DNAJC5B: variants seen among roughly 807,000 people sequenced by gnomAD.
DNAJC5B encodes dnaJ homolog subfamily C member 5B.
In DNAJC5B, 23 loss-of-function variants were observed where a neutral mutation model predicts 24.7. The ratio of observed to expected loss-of-function variants is 0.93; its 90% CI spans 0.67 to 1.32. The LOEUF is 1.32. Among genes scored for constraint, DNAJC5B ranks in the 40% most tolerant of loss-of-function variants. DNAJC5B has a pLI of 0.00. For missense variants in DNAJC5B, 238 were observed against 240.8 expected (o/e 0.99, Z 0.08); for synonymous variants, 101 against 90.1 (o/e 1.12, Z -0.68).
intron 3 of DNAJC5B, among the ~76,000 whole-genome samples, chr8:66,061,227 G>T (rs940038047): frequency 5.9e-5 from 9 of 152,144 alleles, no homozygotes; most frequent in Non-Finnish European, 1.0e-4. Context: ...GCTGTAGTAT[G>T]CTATGACTGA....
intron 3 of DNAJC5B, among the ~76,000 whole-genome samples, chr8:66,056,156 C>G (rs1201668310): frequency 6.6e-6 from 1 of 152,076 alleles, no homozygotes; most frequent in Non-Finnish European, 1.5e-5. Flanking sequence ...CCCCTCCACC[C>G]CAACCCAACA....
rs532872189 is a variant in DNAJC5B, at chr8:66,095,318, C to G, written c.506-4619C>G. ...TTACAAAAAGAAAAAATGGTTTCTT[C>G]AAGATTTCCTCTTATCCTTCATACA... On this transcript the variant is annotated intron_variant, in intron 5 of 5. Transcript: ENST00000276570. Among the ~76,000 whole-genome samples the G allele has an allele frequency of 1.1e-4, 17 of 152,064 alleles. No homozygotes were observed. In the South Asian group the frequency reaches 1.9e-3, roughly 17 times the overall value.
intron 2 of DNAJC5B, among the ~76,000 whole-genome samples, chr8:66,048,148 T>C (rs1423552465): frequency 6.6e-6 from 1 of 152,190 alleles, no homozygotes; most frequent in African/African-American, 2.4e-5. Context: ...ACCCAGCTGC[T>C]CACCCTCACT....
chr8:66,019,554 C>T (rs563465920), upstream of DNAJC5B, among the ~76,000 whole-genome samples: 12 of 152,198 alleles, frequency 7.9e-5, no homozygotes, highest in South Asian at 2.5e-3. Flanking sequence ...TGTCATCTGA[C>T]ATTTAAGGCA....
At chr8:66,075,611 G>T (rs957271385) in intron 3 of DNAJC5B, among the ~76,000 whole-genome samples, 2 of 151,988 alleles carry the variant, frequency 1.3e-5, no homozygotes, top group Non-Finnish European at 1.5e-5. Context: ...ATAAGTTTTG[G>T]TTAAATAAAT....
At chr8:66,084,621 C>T (rs1347753852) in intron 5 of DNAJC5B, among the ~76,000 whole-genome samples, 2 of 152,160 alleles carry the variant, frequency 1.3e-5, no homozygotes, top group East Asian at 3.9e-4. Flanking sequence ...GTAAGAGATG[C>T]CCATAAAAAT....
At chr8:66,017,119 C>T (rs1292595858), upstream of DNAJC5B, among the ~76,000 whole-genome samples, 4 of 152,042 alleles carry the variant, frequency 2.6e-5, no homozygotes, top group Admixed American at 2.6e-4. Context: ...AGGATCTAAA[C>T]CAATACATGC....
intron 3 of DNAJC5B, among the ~76,000 whole-genome samples, chr8:66,075,108 C>G (rs1439774813): frequency 6.6e-6 from 1 of 152,042 alleles, no homozygotes; most frequent in Non-Finnish European, 1.5e-5. Context: ...TCGCTGTCGC[C>G]CAGGCTGGAG....
intron 2 of DNAJC5B, among the ~76,000 whole-genome samples, chr8:66,049,715 A>G (rs1806805072): frequency 6.6e-6 from 1 of 152,216 alleles, no homozygotes; most frequent in African/African-American, 2.4e-5. Context: ...TCCGTGTAGT[A>G]GATTATCTTC....
intron 5 of DNAJC5B, among the ~76,000 whole-genome samples, chr8:66,093,586 C>T (rs1807891306): frequency 6.6e-6 from 1 of 152,088 alleles, no homozygotes; most frequent in South Asian, 2.1e-4. Context: ...ATATCATCTG[C>T]CTTTTCCTTA....
intron 5 of DNAJC5B, among the ~76,000 whole-genome samples, chr8:66,091,131 A>G (rs1057358022): frequency 3.3e-5 from 5 of 152,328 alleles, no homozygotes; most frequent in African/African-American, 1.2e-4. Flanking sequence ...CTGAGCACTT[A>G]GTATTTGCCT....
chr8:66,077,177 T>A (rs1273075773), intron 4 of DNAJC5B, among the ~76,000 whole-genome samples: 1 of 152,196 alleles, frequency 6.6e-6, no homozygotes, highest in Non-Finnish European at 1.5e-5. Flanking sequence ...CAAAAATAAT[T>A]TATTAGTGTG....
At chr8:66,074,639 AC>A (rs1296510217) in intron 3 of DNAJC5B, among the ~76,000 whole-genome samples, 4 of 152,236 alleles carry the variant, frequency 2.6e-5, no homozygotes, top group African/African-American at 9.6e-5. Context: ...AATGCCTTTA[AC>A]AATGGATAGG....
chr8:66,020,647 TG>T (rs1806092470), upstream of DNAJC5B, among the ~76,000 whole-genome samples: 1 of 129,038 alleles, frequency 7.7e-6, no homozygotes, highest in Non-Finnish European at 1.6e-5. Flanking sequence ...TGTGTGTGTG[TG>T]TGTGTTTTAG....
At chr8:66,026,499 T>C (rs1806246494) in intron 1 of DNAJC5B, among the ~76,000 whole-genome samples, 1 of 152,260 alleles carries the variant, frequency 6.6e-6, no homozygotes, top group Non-Finnish European at 1.5e-5. Flanking sequence ...AAGCTACCTC[T>C]CTGAAGATCC....
chr8:66,052,076 G>A (rs1229566620), intron 3 of DNAJC5B, among the ~76,000 whole-genome samples: 1 of 151,450 alleles, frequency 6.6e-6, no homozygotes. Flanking sequence ...GCGATTCTCT[G>A]CCTCAGCCTC....
chr8:66,018,565 A>G (rs1277997587), upstream of DNAJC5B, among the ~76,000 whole-genome samples: 1 of 152,118 alleles, frequency 6.6e-6, no homozygotes, highest in African/African-American at 2.4e-5. Context: ...CAAGTCCTCC[A>G]GGCACTCTTT....
At position 66,100,072 on chromosome 8, in the gene DNAJC5B, C is replaced by A. The variant is rs751891874; in HGVS notation, c.*41C>A. On this transcript the variant is annotated 3_prime_UTR_variant, in exon 6 of 6. Transcript: ENST00000276570. ...GAGTCCACAGTCCCTCCTCTCAGTTCAGTCTTGTCTCCAGATGGTCGTAGG... is the reference window on the plus strand; with the variant it reads ...GAGTCCACAGTCCCTCCTCTCAGTTAAGTCTTGTCTCCAGATGGTCGTAGG... The A allele has an allele frequency of 1.9e-6, 3 of 1,570,882 alleles. No homozygotes were observed. Among genetic ancestry groups the A allele is most frequent in the Non-Finnish European group, 2.6e-6 (3 of 1,144,720 alleles).
intron 5 of DNAJC5B, among the ~76,000 whole-genome samples, chr8:66,092,600 T>C (rs1807870325): frequency 1.3e-5 from 2 of 152,156 alleles, no homozygotes; most frequent in South Asian, 4.1e-4. Flanking sequence ...ACCATCACCT[T>C]TAGAGCTCCT....
Sources: allele counts gnomAD v4.1 joint callset (sites outside exome capture counted in the v4.1 genomes callset), GRCh38; gene constraint gnomAD v4.1.1; transcripts MANE v1.5; gene names NCBI Gene and HGNC (gene_info 2026-07-23, HGNC 2026-07-21).